Variants in COPG1 observed in about 807,000 individuals in gnomAD.
COPG1 encodes coat protein complex I subunit gamma 1.
In COPG1, 29 loss-of-function variants were observed where a neutral mutation model predicts 102.8. The ratio of observed to expected loss-of-function variants is 0.28; its 90% confidence interval spans 0.21 to 0.38. The LOEUF (loss-of-function observed/expected upper bound fraction) is 0.38, where lower values mean the gene tolerates loss of function less well. Among genes scored for constraint, COPG1 ranks in the 10% least tolerant of loss-of-function variants. COPG1 has a pLI of 1.00. For synonymous variants in COPG1, 406 were observed against 421.6 expected (o/e 0.96, Z 0.45); for missense variants, 875 against 1,132.7 (o/e 0.77, Z 3.27).
intron 5 of COPG1, among the ~76,000 whole-genome samples, chr3:129,254,140 T>C (rs917743165): frequency 1.3e-5 from 2 of 150,878 alleles, no homozygotes; most frequent in East Asian, 3.9e-4. Flanking sequence ...CTACTAAAAA[T>C]ACAAAAATTA....
intron 2 of COPG1, 25 bp from the exon 3 acceptor site, chr3:129,252,256 A>G (rs753279792): frequency 2.0e-6 from 3 of 1,495,734 alleles, no homozygotes; most frequent in Middle Eastern, 1.7e-4. Flanking sequence ...GCTAGAAGGT[A>G]ACATCTTTGG....
Position 129,277,324 on chromosome 3 carries a change from T to C in COPG1, c.2525T>C (p.Val842Ala). Residue 842 changes from valine (V) to alanine (A), a missense_variant, in exon 24 of 24, where the codon GTG becomes GCG. Transcript: ENST00000314797. ...GVFRGGHDIL[V>A]RSRLLLLDTV... ...TTCCGGGGTGGTCATGACATCCTGG[T>C]GCGCTCCCGGCTGCTGCTTTTGGAC... The C allele has an allele frequency of 6.2e-7, 1 of 1,614,028 alleles. No homozygotes were observed. The highest frequency in any genetic ancestry group is 1.7e-5 in the Admixed American group (1 of 60,008).
chr3:129,260,051 A>G (rs557532637), intron 10 of COPG1, among the ~76,000 whole-genome samples: 2 of 152,268 alleles, frequency 1.3e-5, no homozygotes, highest in Non-Finnish European at 1.5e-5. Flanking sequence ...GCTGCAAGCT[A>G]TAGAAGTGAG....
At chr3:129,262,718 G>A (rs987418825) in intron 12 of COPG1, among the ~76,000 whole-genome samples, 1 of 136,484 alleles carries the variant, frequency 7.3e-6, no homozygotes, top group African/African-American at 3.1e-5. Flanking sequence ...GTGAGACCTT[G>A]TCTGAAAAAA....
intron 6 of COPG1, 115 bp downstream of exon 6, chr3:129,254,858 C>G (rs1374323559): frequency 3.4e-6 from 4 of 1,186,374 alleles, no homozygotes; most frequent in Non-Finnish European, 5.0e-6. Context: ...GGGGTGGAGG[C>G]AGTGTGCAGG....
rs1314781585 is a variant in COPG1, at chr3:129,257,794, G to A, written c.805G>A (p.Glu269Lys). The change falls in exon 10 of 24, where the codon GAA becomes AAA. Residue 269 changes from glutamate (E) to lysine (K), a missense_variant. Glu to Lys is a moderately conservative substitution (Grantham distance 56). Coordinates refer to ENST00000314797, the MANE Select transcript of COPG1 (RefSeq NM_016128.4). ...LRNKHEMVVY[E>K]AASAIVNLPG... is the part of the protein sequence containing the mutation. Reference sequence around the variant, plus strand: ...CAACAAGCACGAGATGGTGGTGTATGAAGCCGCCTCGGCCATCGTCAATCT... The same window carrying A: ...CAACAAGCACGAGATGGTGGTGTATAAAGCCGCCTCGGCCATCGTCAATCT... The A allele has an allele frequency of 1.2e-6, 2 of 1,614,100 alleles. No individual in the cohort carries two copies. Among genetic ancestry groups the A allele is most frequent in the Non-Finnish European group, 1.7e-6 (2 of 1,180,048 alleles).
At chr3:129,276,948 C>T (rs945077786) in intron 23 of COPG1, among the ~76,000 whole-genome samples, 6 of 151,658 alleles carry the variant, frequency 4.0e-5, no homozygotes, top group Admixed American at 6.6e-5. Flanking sequence ...TTCAGCCTCC[C>T]GAGTAGCTGG....
intron 23 of COPG1, 140 bp from the exon 24 acceptor site, chr3:129,277,154 A>G (rs1390088427): frequency 1.2e-6 from 1 of 809,014 alleles, no homozygotes; most frequent in African/African-American, 1.7e-5. Context: ...GAAATCCCTC[A>G]CTCAGGGATT....
chr3:129,263,658 G>T (rs1272619016), intron 12 of COPG1, among the ~76,000 whole-genome samples: 2 of 152,208 alleles, frequency 1.3e-5, no homozygotes, highest in African/African-American at 4.8e-5. Context: ...CTGAGTAGAA[G>T]AGCAGAGTTT....
chr3:129,260,235 G>T (rs1576963768), intron 10 of COPG1, 98 bp from the exon 11 acceptor site: 2 of 1,096,670 alleles, frequency 1.8e-6, no homozygotes, highest in African/African-American at 1.6e-5. Context: ...GCAGGGAAAT[G>T]AGCTGAGCAG....
intron 13 of COPG1, among the ~76,000 whole-genome samples, chr3:129,264,811 C>G (rs1940016306): frequency 6.6e-6 from 1 of 151,428 alleles, no homozygotes; most frequent in Non-Finnish European, 1.5e-5. Flanking sequence ...ACACTGTATG[C>G]ATGATAGCAG....
intron 17 of COPG1, 63 bp from the exon 18 acceptor site, chr3:129,268,869 T>C: frequency 6.8e-7 from 1 of 1,460,318 alleles, no homozygotes; most frequent in Non-Finnish European, 9.6e-7. Context: ...AGCACTGGGG[T>C]CACCACCACA....
rs188683480 is a variant in COPG1 at position 129,271,958 on chromosome 3, G to C, written c.1986+49G>C. ...TGCTGGGGCATGCGCCCAGGGAGTT[G>C]TCCCAGGTCTGGCAGGTCCTGTAGG... On this transcript the variant is annotated intron_variant, in intron 19 of 23. Transcript: ENST00000314797. This position sits in a 1 kb window ranked among gnomAD's most constrained non-coding sequence, Gnocchi z 4.7. 3.9e-5 allele frequency: 62 copies of C among 1,599,580 alleles called. No individual in the cohort carries two copies. The Admixed American group carries it at 8.9e-4, about 23-fold the overall frequency.
rs77438032 is a variant in COPG1, at chr3:129,277,599, G to C, written c.*175G>C. 8.0e-6 allele frequency: 3 copies of C among 375,080 alleles called. No individual in the cohort carries two copies. The highest frequency in any genetic ancestry group is 4.5e-5 in the Admixed American group (1 of 22,066). The allele number at this position is 375,080 out of a possible 1,614,324, so 23.2% of individuals were successfully genotyped here. On this transcript the variant is annotated 3_prime_UTR_variant, in exon 24 of 24. Coordinates refer to ENST00000314797, the MANE Select transcript of COPG1 (RefSeq NM_016128.4). ...CTCCCACCCGGGACTACTTGCTGGT[G>C]ACTTTTTTTTTTTTTTTTTTTAAAT...
Position 129,252,631 on chromosome 3 carries a change from C to A in COPG1, c.180C>A (p.His60Gln). 6.2e-7 allele frequency: 1 copy of A among 1,613,948 alleles called. No individual in the cohort carries two copies. Among genetic ancestry groups the A allele is most frequent in the East Asian group, 2.2e-5 (1 of 44,888 alleles). ...KILYLINQGE[H>Q]LGTTEATEAF... is the part of the protein sequence containing the mutation. ...TTTCTTGATTAACACAGGGGGAGCA[C>A]CTGGGGACCACGGAAGCGACCGAGG... Residue 60 changes from histidine to glutamine, a missense_variant, in exon 4 of 24, where the codon CAC becomes CAA. By Grantham distance (24) the His-to-Gln change is conservative. Transcript: ENST00000314797.
chr3:129,252,370 G>A lies in COPG1; in HGVS notation c.171+9G>A. The A allele has an allele frequency of 6.3e-7, 1 of 1,595,342 alleles. No individual in the cohort carries two copies. The highest frequency in any genetic ancestry group is 8.6e-7 in the Non-Finnish European group (1 of 1,163,058). On this transcript the variant is annotated intron_variant, in intron 3 of 23. Coordinates refer to ENST00000314797, the MANE Select transcript of COPG1 (RefSeq NM_016128.4). The stretch of plus-strand genomic sequence containing the variant: ...TTTATCTCATAAACCAGGTAACAGG[G>A]TGAAGCTTGCGGGTAGGGAGAATGG...
At position 129,260,812 on chromosome 3, in the gene COPG1, C is replaced by T. The variant is rs763668141; in HGVS notation, c.1128+5C>T. On this transcript the variant is annotated splice_donor_5th_base_variant and intron_variant, in intron 12 of 23. Coordinates refer to ENST00000314797, the MANE Select transcript of COPG1 (RefSeq NM_016128.4). ...GAAATCTCGGATGAATTCAAGGTAC[C>T]TGCTACCCCCAGGACACCCACGGCC... 1.2e-6 allele frequency: 2 copies of T among 1,611,618 alleles called. No individual in the cohort carries two copies. Among genetic ancestry groups the T allele is most frequent in the Admixed American group, 1.7e-5 (1 of 59,958 alleles).
intron 8 of COPG1, among the ~76,000 whole-genome samples, 194 bp downstream of exon 8, chr3:129,256,348 TG>T (rs1269374375): frequency 6.6e-6 from 1 of 152,178 alleles, no homozygotes; most frequent in Non-Finnish European, 1.5e-5. Context: ...TTGGGGCGCT[TG>T]GGTTACAGAC....
In COPG1 at chr3:129,259,215, C is replaced by T. The variant is rs111998940; in HGVS notation, c.872-1118C>T. On this transcript the variant is annotated intron_variant, in intron 10 of 23. Transcript: ENST00000314797. ...CGGTGGCTCACGCCTGTAATCCCAGCGCTTTGGGAGGCCGAGGCAGGGGGA... is the reference window on the plus strand; with the variant it reads ...CGGTGGCTCACGCCTGTAATCCCAGTGCTTTGGGAGGCCGAGGCAGGGGGA... Among the ~76,000 whole-genome samples, 111 of 152,262 alleles carry T rather than the reference C, an allele frequency of 7.3e-4. 2 individuals carry two copies. The highest frequency in any genetic ancestry group is 2.2e-3 in the African/African-American group (92 of 41,570).
Sources: gnomAD v4.1 joint callset for allele counts (sites outside exome capture counted in the v4.1 genomes callset) on GRCh38, gnomAD v4.1.1 for gene constraint, Gnocchi (gnomAD v3.1) non-coding constraint, MANE v1.5 for transcripts, NCBI Gene and HGNC (gene_info 2026-07-23, HGNC 2026-07-21) for gene names.